The following SOX6 variants were observed in gnomAD, a reference collection of about 807,000 sequenced individuals.
SOX6 encodes SRY-box transcription factor 6, also known as transcription factor SOX-6.
In SOX6, 11 loss-of-function variants were observed where a neutral mutation model predicts 97.8. The ratio of observed to expected loss-of-function variants is 0.11; its 90% CI spans 0.07 to 0.19. SOX6 has a LOEUF of 0.19. Ranked by LOEUF, SOX6 falls within the 10% of genes least tolerant of loss-of-function variation. SOX6 has a pLI of 1.00. For missense variants in SOX6, 810 were observed against 1,039.5 expected, an observed-to-expected ratio of 0.78 and a Z score of 3.04; for synonymous variants, 360 against 371.4, an observed-to-expected ratio of 0.97 and a Z score of 0.35.
intron 1 of SOX6, among the ~76,000 whole-genome samples, chr11:16,425,748 A>C (rs1282644207): frequency 2.0e-5 from 3 of 152,208 alleles, no homozygotes; most frequent in Non-Finnish European, 2.9e-5. Context: ...ACAGGAAAAC[A>C]GCTAACTAGG....
chr11:15,989,003 T>C lies in SOX6; in HGVS notation c.1960A>G (p.Ile654Val). ...PDMHNSNISK[I>V]LGSRWKSMSN... is the part of the protein sequence containing the mutation. ...GCTGCACTGCTGCACTCACCTAAGA[T>C]TTTGCTAATGTTGGAGTTATGCATG... Residue 654 changes from isoleucine to valine, a missense_variant, in exon 14 of 16, where the codon ATC becomes GTC. Coordinates refer to ENST00000683767, the MANE Select transcript of SOX6 (RefSeq NM_001367873.1). 6.2e-7 allele frequency: 1 copy of C among 1,614,054 alleles called. No individual in the cohort carries two copies. The highest frequency in any genetic ancestry group is 8.5e-7 in the Non-Finnish European group (1 of 1,179,870).
intron 3 of SOX6, among the ~76,000 whole-genome samples, chr11:16,707,058 G>T (rs1293498759): frequency 7.2e-5 from 11 of 152,030 alleles, no homozygotes; most frequent in Non-Finnish European, 1.6e-4. Context: ...GATCTTAAAG[G>T]CAGTGTTCTC....
rs575614108 is a variant in SOX6, at chr11:16,564,588, T to C, written n.609+47493A>G. On this transcript the variant is annotated intron_variant and non_coding_transcript_variant, in intron 4 of 5. Transcript: ENST00000524520. Reference sequence around the variant, plus strand: ...CATAAAACAAAACTCAACAAATTTTTAAAAACTGAAATCATACAGAGCATG... The same window carrying C: ...CATAAAACAAAACTCAACAAATTTTCAAAAACTGAAATCATACAGAGCATG... Among the ~76,000 whole-genome samples the C allele has an allele frequency of 5.3e-5, 8 of 152,184 alleles. No homozygotes were observed. The South Asian group carries it at 1.7e-3, about 32-fold the overall frequency.
intron 4 of SOX6, among the ~76,000 whole-genome samples, chr11:16,529,922 A>G (rs1861216071): frequency 6.6e-6 from 1 of 152,062 alleles, no homozygotes; most frequent in African/African-American, 2.4e-5. Flanking sequence ...TATTGCTTAT[A>G]TGTGTGGGTG....
chr11:16,138,889 T>C (rs982189741), intron 6 of SOX6, among the ~76,000 whole-genome samples: 1 of 152,228 alleles, frequency 6.6e-6, no homozygotes. Context: ...CTCATCATTT[T>C]TTATGGCTGC....
At chr11:16,485,153 A>C (rs933020752) in intron 4 of SOX6, among the ~76,000 whole-genome samples, 3 of 152,212 alleles carry the variant, frequency 2.0e-5, no homozygotes, top group Non-Finnish European at 4.4e-5. Context: ...TGAATTGTAA[A>C]TCAGAGATAG....
At chr11:16,640,804 CTTCT>C (rs1848898345) in intron 3 of SOX6, among the ~76,000 whole-genome samples, 1 of 151,930 alleles carries the variant, frequency 6.6e-6, no homozygotes, top group Non-Finnish European at 1.5e-5. Flanking sequence ...TCTCTCTTTT[CTTCT>C]TTATTAGTCT....
intron 13 of SOX6, among the ~76,000 whole-genome samples, chr11:15,997,493 A>G (rs568418435): frequency 6.6e-6 from 1 of 152,304 alleles, no homozygotes; most frequent in Admixed American, 6.5e-5. Flanking sequence ...ACCAAGTAGA[A>G]CTTATCTCAG....
At chr11:15,983,507 C>T (rs1319064793) in intron 15 of SOX6, among the ~76,000 whole-genome samples, 1 of 152,036 alleles carries the variant, frequency 6.6e-6, no homozygotes, top group Admixed American at 6.6e-5. Flanking sequence ...CCCATTCCAT[C>T]AAAACGTCAA....
At chr11:16,046,807 G>T in intron 11 of SOX6, 106 bp from the exon 12 acceptor site, 10 of 1,160,120 alleles carry the variant, frequency 8.6e-6, no homozygotes, top group African/African-American at 1.5e-5. Flanking sequence ...AACAAGGAAG[G>T]GGTGCACATT....
At chr11:16,565,949 A>T (rs1445160570) in intron 4 of SOX6, among the ~76,000 whole-genome samples, 1 of 152,052 alleles carries the variant, frequency 6.6e-6, no homozygotes, top group Non-Finnish European at 1.5e-5. Flanking sequence ...ACAAAAAATT[A>T]GTCAGGCGTG....
chr11:16,347,082 T>G (rs1256032176), intron 1 of SOX6, among the ~76,000 whole-genome samples: 1 of 152,142 alleles, frequency 6.6e-6, no homozygotes, highest in Non-Finnish European at 1.5e-5. Flanking sequence ...CTTTGACTCA[T>G]GAATTGTTTC....
Position 15,971,602 on chromosome 11 carries a change from A to T in SOX6, c.*1207T>A, listed in dbSNP as rs2075411344. The T allele has an allele frequency of 6.6e-6, 1 of 152,514 alleles. No homozygotes were observed. Among genetic ancestry groups the T allele is most frequent in the Non-Finnish European group, 1.5e-5 (1 of 68,038 alleles). 9.4% of individuals were successfully genotyped at this position (152,514 alleles called of 1,614,324 possible). A position where few individuals can be genotyped will look rare whatever the true frequency, so the allele number is the denominator to read the frequency against. On this transcript the variant is annotated 3_prime_UTR_variant, in exon 16 of 16. Transcript: ENST00000683767. ...TACCTGTTTAAGTGTAAGACTATAT[A>T]CCTATATCCCAATACACAGCCCTGC...
intron 6 of SOX6, among the ~76,000 whole-genome samples, chr11:16,180,743 C>T (rs1028181318): frequency 5.3e-5 from 8 of 151,638 alleles, no homozygotes; most frequent in East Asian, 1.9e-4. Flanking sequence ...TTTTCCAACA[C>T]GGTTTACTTG....
intron 3 of SOX6, chr11:16,314,951 G>T (rs138797544): frequency 0.032 from 4,936 of 152,204 alleles, 116 homozygotes; most frequent in Non-Finnish European, 0.055. Flanking sequence ...TTGTTTGTTT[G>T]TTTTGAGACA....
chr11:16,151,980 A>C (rs913276726), intron 6 of SOX6, among the ~76,000 whole-genome samples: 1 of 152,180 alleles, frequency 6.6e-6, no homozygotes, highest in Non-Finnish European at 1.5e-5. Flanking sequence ...GCCTTGAAAT[A>C]CTTTGGGTTG....
chr11:16,212,112 G>A (rs569261865), intron 4 of SOX6, among the ~76,000 whole-genome samples: 18 of 152,204 alleles, frequency 1.2e-4, no homozygotes, highest in Non-Finnish European at 2.1e-4. Context: ...TCAGAAAAAG[G>A]CCAACAGATA....
At chr11:16,176,984 T>C (rs1344930971) in intron 6 of SOX6, among the ~76,000 whole-genome samples, 2 of 151,924 alleles carry the variant, frequency 1.3e-5, no homozygotes, top group Non-Finnish European at 2.9e-5. Flanking sequence ...CCAAAGGTTT[T>C]ATATATCATA....
At position 16,036,109 on chromosome 11, in the gene SOX6, C is replaced by T. The variant is rs1180615089; in HGVS notation, c.1623+10405G>A. On this transcript the variant is annotated intron_variant, in intron 12 of 15. Transcript: ENST00000683767. ...TTTTTTTTTTTTTGAGATGGAGTTT[C>T]GCTCTTGTTGCCCAGGCTAGAGTGC... Among the ~76,000 whole-genome samples the T allele has an allele frequency of 1.4e-4, 18 of 124,998 alleles. No homozygotes were observed. In the South Asian group the frequency reaches 3.6e-3, roughly 25 times the overall value. The allele number at this position is 124,998 out of a possible 152,430, so 82.0% of individuals were successfully genotyped here.
Sources: allele counts gnomAD v4.1 joint callset (sites outside exome capture counted in the v4.1 genomes callset), GRCh38; gene constraint gnomAD v4.1.1; transcripts MANE v1.5; gene names NCBI Gene and HGNC (gene_info 2026-07-23, HGNC 2026-07-21).